Variants in RGPD4 observed in about 807,000 individuals in gnomAD.
The protein encoded by RGPD4 is RANBP2 like and GRIP domain containing 4, also known as ranBP2-like and GRIP domain-containing protein 4.
In RGPD4, 84 loss-of-function variants were observed where a neutral mutation model predicts 141.1. That is an observed-to-expected ratio of 0.60 (90% CI 0.50 to 0.71). RGPD4 has a LOEUF of 0.71. Ranked by LOEUF, RGPD4 falls within the 30% of genes least tolerant of loss-of-function variation. The probability of loss-of-function intolerance (pLI) is 0.00; values close to 1 mark genes in which losing one functional copy is unlikely to be tolerated. For synonymous variants in RGPD4, 298 were observed against 566.8 expected, an observed-to-expected ratio of 0.53 and a Z score of 6.74; for missense variants, 918 against 1,622.4, an observed-to-expected ratio of 0.57 and a Z score of 7.46.
intron 20 of RGPD4, among the ~76,000 whole-genome samples, chr2:107,876,726 A>G (rs1031669795): frequency 1.3e-5 from 2 of 151,626 alleles, no homozygotes; most frequent in African/African-American, 4.9e-5. Flanking sequence ...ATTAGCAGCT[A>G]TCGGTCACTT....
chr2:107,874,169 A>T (rs202201825), intron 20 of RGPD4, among the ~76,000 whole-genome samples: 2 of 151,410 alleles, frequency 1.3e-5, no homozygotes, highest in East Asian at 3.9e-4. Context: ...GTTTATGTTT[A>T]GCCACTAACG....
chr2:107,870,889 T>C lies in RGPD4; in HGVS notation c.2885T>C (p.Ile962Thr). 2.5e-6 allele frequency: 4 copies of C among 1,609,362 alleles called. No homozygotes were observed. Among genetic ancestry groups the C allele is most frequent in the Non-Finnish European group, 3.4e-6 (4 of 1,178,622 alleles). The part of the protein sequence containing the change: ...ISGQKNGRGV[I>T]FGQTSSTFTF... ...GGCCAGAAGAATGGCCGTGGTGTGA[T>C]TTTTGGCCAAACAAGTAGCACTTTT... The change falls in exon 20 of 23, where the codon ATT becomes ACT. Residue 962 changes from isoleucine (I) to threonine (T), a missense_variant. By Grantham distance (89) the Ile-to-Thr change is moderately conservative. Transcript: ENST00000408999.
chr2:107,829,760 C>T (rs1214618705), intron 1 of RGPD4, among the ~76,000 whole-genome samples: 1 of 152,126 alleles, frequency 6.6e-6, no homozygotes, highest in Non-Finnish European at 1.5e-5. Flanking sequence ...CGCTTGTTCC[C>T]GACGGTGCTC....
intron 9 of RGPD4, among the ~76,000 whole-genome samples, chr2:107,858,455 T>A (rs1276168323): frequency 2.0e-5 from 3 of 151,594 alleles, no homozygotes; most frequent in Admixed American, 1.3e-4. Flanking sequence ...TTTCTTTTTT[T>A]TGAGACAGAG....
At chr2:107,877,996 A>G (rs1481952558) in intron 20 of RGPD4, among the ~76,000 whole-genome samples, 6 of 151,228 alleles carry the variant, frequency 4.0e-5, no homozygotes, top group Non-Finnish European at 8.8e-5. Flanking sequence ...CATTTTTAGT[A>G]GAGATAGGGT....
At chr2:107,834,467 C>T (rs1158676499) in intron 1 of RGPD4, among the ~76,000 whole-genome samples, 2 of 152,106 alleles carry the variant, frequency 1.3e-5, no homozygotes, top group Non-Finnish European at 2.9e-5. Flanking sequence ...GCCTCCTGCT[C>T]CGTCCTACCC....
At chr2:107,830,902 C>T (rs560332457) in intron 1 of RGPD4, among the ~76,000 whole-genome samples, 5 of 152,246 alleles carry the variant, frequency 3.3e-5, no homozygotes, top group East Asian at 1.9e-4. Context: ...TGCCATTTTT[C>T]TACTCCCTCA....
At chr2:107,854,054 C>CTT (rs1052579812) in intron 7 of RGPD4, among the ~76,000 whole-genome samples, 115 of 125,906 alleles carry the variant, frequency 9.1e-4, no homozygotes, top group African/African-American at 2.4e-3. Flanking sequence ...TGGCCCCTCT[C>CTT]TTTTTTTTTT....
chr2:107,841,161 C>G (rs1216057552), intron 4 of RGPD4, among the ~76,000 whole-genome samples: 5 of 119,412 alleles, frequency 4.2e-5, no homozygotes, highest in Non-Finnish European at 9.0e-5. Flanking sequence ...TCAAACATAA[C>G]TCCCATATTG....
intron 21 of RGPD4, among the ~76,000 whole-genome samples, chr2:107,880,890 C>G (rs79487114): frequency 2.5e-3 from 374 of 151,310 alleles, no homozygotes; most frequent in Non-Finnish European, 4.8e-3. Flanking sequence ...GGTATTTCCA[C>G]CCTGGCTCAC....
At position 107,871,859 on chromosome 2, in the gene RGPD4, T is replaced by G. The variant is rs746274309; in HGVS notation, c.3855T>G (p.Phe1285Leu). 1 of 1,611,648 alleles carries G rather than the reference T, an allele frequency of 6.2e-7. No homozygotes were observed. The highest frequency in any genetic ancestry group is 1.1e-5 in the South Asian group (1 of 90,992). ...SSPVRKNLFHFGESTTGSNFS... is the reference protein window; with the variant it reads ...SSPVRKNLFHLGESTTGSNFS... ...CTGTGAGAAAAAATCTTTTCCATTT[T>G]GGTGAGTCAACAACAGGATCTAACT... Residue 1285 changes from phenylalanine to leucine, a missense_variant, in exon 20 of 23, where the codon TTT (phenylalanine) becomes TTG (leucine). By Grantham distance (22) the Phe-to-Leu change is conservative. Coordinates refer to ENST00000408999, the MANE Select transcript of RGPD4 (RefSeq NM_182588.3).
Position 107,846,269 on chromosome 2 carries a change from C to G in RGPD4, c.783-2072C>G, listed in dbSNP as rs946068456. 1.6e-4 allele frequency among the ~76,000 whole-genome samples: 24 copies of G among 150,908 alleles called. 1 individual carries two copies. Among genetic ancestry groups the G allele is most frequent in the African/African-American group, 5.6e-4 (23 of 40,844 alleles). On this transcript the variant is annotated intron_variant, in intron 6 of 22. Coordinates refer to ENST00000408999, the MANE Select transcript of RGPD4 (RefSeq NM_182588.3). ...TCTTGATCTGTCTACCTTGGCCTCCCAAAGTACTGGAAGGTCTCAATCTCT... is the reference window on the plus strand; with the variant it reads ...TCTTGATCTGTCTACCTTGGCCTCCGAAAGTACTGGAAGGTCTCAATCTCT...
At chr2:107,828,633 G>T (rs1251531053) in intron 1 of RGPD4, among the ~76,000 whole-genome samples, 6 of 88,612 alleles carry the variant, frequency 6.8e-5, no homozygotes, top group East Asian at 4.0e-4. Context: ...GCCCGGCGGC[G>T]GCCTCGATGG....
chr2:107,853,530 G>T (rs1228358620), intron 7 of RGPD4, among the ~76,000 whole-genome samples: 2 of 129,874 alleles, frequency 1.5e-5, no homozygotes, highest in Non-Finnish European at 3.3e-5. Context: ...TCCATACTCT[G>T]AAAATGTGTT....
intron 22 of RGPD4, among the ~76,000 whole-genome samples, chr2:107,889,702 CT>C (rs1255238410): frequency 1.3e-5 from 2 of 151,828 alleles, no homozygotes; most frequent in African/African-American, 4.8e-5. Flanking sequence ...TTTGTCAAGA[CT>C]CAGTGCTATA....
chr2:107,827,328 GC>G (rs1681242760), intron 1 of RGPD4, among the ~76,000 whole-genome samples: 1 of 138,544 alleles, frequency 7.2e-6, no homozygotes, highest in African/African-American at 2.7e-5. Flanking sequence ...CCTCGACCCG[GC>G]CCGGCGGCGG....
In RGPD4 at chr2:107,827,000, A is replaced by T. The variant is rs1203161481; in HGVS notation, c.-14A>T. On this transcript the variant is annotated 5_prime_UTR_variant, in exon 1 of 23. Coordinates refer to ENST00000408999, the MANE Select transcript of RGPD4 (RefSeq NM_182588.3). ...GCTGGTTTCACGCGTCTCGGGAGCC[A>T]GGTTGGTGGCGCGATGAGTTGCAGC... 1.3e-6 allele frequency: 2 copies of T among 1,595,308 alleles called. No individual in the cohort carries two copies. Among genetic ancestry groups the T allele is most frequent in the African/African-American group, 2.7e-5 (2 of 74,568 alleles).
intron 22 of RGPD4, among the ~76,000 whole-genome samples, chr2:107,885,902 A>C (rs1474286345): frequency 1.3e-5 from 2 of 151,978 alleles, no homozygotes; most frequent in Admixed American, 6.6e-5. Context: ...AGAATACAAA[A>C]ATTAGCTGGG....
intron 21 of RGPD4, among the ~76,000 whole-genome samples, chr2:107,880,695 G>A (rs1301660393): frequency 6.7e-6 from 1 of 148,592 alleles, no homozygotes; most frequent in Admixed American, 6.7e-5. Context: ...TAAAAAATGG[G>A]TGTGAGTCTT....
Sources: gnomAD v4.1 joint callset for allele counts (sites outside exome capture counted in the v4.1 genomes callset) on GRCh38, gnomAD v4.1.1 for gene constraint, MANE v1.5 for transcripts, NCBI Gene and HGNC (gene_info 2026-07-23, HGNC 2026-07-21) for gene names.